JAG1: variants seen among roughly 807,000 people sequenced by gnomAD.
The protein encoded by JAG1 is protein jagged-1.
JAG1 carries 23 observed loss-of-function variants against 148.7 expected under a neutral mutation model. That is an observed-to-expected ratio of 0.15 (90% CI 0.11 to 0.22). The LOEUF (loss-of-function observed/expected upper bound fraction) is 0.22, where lower values mean the gene tolerates loss of function less well. Among genes scored for constraint, JAG1 ranks in the 10% least tolerant of loss-of-function variants. The pLI, the probability that JAG1 is intolerant of heterozygous loss-of-function variation, is 1.00. For synonymous variants in JAG1, 572 were observed against 598.3 expected, an observed-to-expected ratio of 0.96 and a Z score of 0.64; for missense variants, 1,054 against 1,611.2, an observed-to-expected ratio of 0.65 and a Z score of 5.92.
intron 2 of JAG1, among the ~76,000 whole-genome samples, chr20:10,669,357 C>T (rs1806479603): frequency 6.6e-6 from 1 of 151,668 alleles, no homozygotes; most frequent in South Asian, 2.1e-4. Context: ...CATCCTTAAG[C>T]CCTCCATGTG....
chr20:10,646,892 G>A (rs1214889352), intron 14 of JAG1, 47 bp downstream of exon 14: 1 of 1,589,542 alleles, frequency 6.3e-7, no homozygotes, highest in Admixed American at 1.7e-5. Context: ...GCAGGGGCAG[G>A]GGCAGGCTGG....
Position 10,638,619 on chromosome 20 carries a change from G to A in JAG1, c.*879C>T, listed in dbSNP as rs1490029874. 1 of 149,890 alleles carries A rather than the reference G, an allele frequency of 6.7e-6. No homozygotes were observed. The highest frequency in any genetic ancestry group is 6.9e-5 in the Admixed American group (1 of 14,494). The allele number at this position is 149,890 out of a possible 1,614,324, so 9.3% of individuals were successfully genotyped here. On this transcript the variant is annotated 3_prime_UTR_variant, in exon 26 of 26. Coordinates refer to ENST00000254958, the MANE Select transcript of JAG1 (RefSeq NM_000214.3). ...TGTTTTAAGTGATGCTATAGAAGGT[G>A]TTTTAAACATCTGACGTCGTACAAA...
chr20:10,654,846 G>A (rs1456627297), intron 5 of JAG1, among the ~76,000 whole-genome samples: 1 of 152,204 alleles, frequency 6.6e-6, no homozygotes, highest in Non-Finnish European at 1.5e-5. Context: ...GCCCTCCCCT[G>A]TATAGCTGTA....
chr20:10,639,844 T>C lies in JAG1; in HGVS notation c.3311A>G (p.His1104Arg). Residue 1104 changes from histidine to arginine, a missense_variant, in exon 26 of 26, where the codon CAC (histidine) becomes CGC (arginine). Transcript: ENST00000254958. ...RKRRKPGSHT[H>R]SASEDNTTNN... ...GGTGGTGTTGTCCTCAGAGGCTGAG[T>C]GTGTGTGGCTGCCCGGCTTCCGCCG... The C allele has an allele frequency of 6.2e-7, 1 of 1,614,128 alleles. No homozygotes were observed. The highest frequency in any genetic ancestry group is 8.5e-7 in the Non-Finnish European group (1 of 1,179,988).
chr20:10,654,365 A>T (rs2067365422), intron 5 of JAG1, among the ~76,000 whole-genome samples: 1 of 152,208 alleles, frequency 6.6e-6, no homozygotes, highest in Non-Finnish European at 1.5e-5. Flanking sequence ...CAGTTTAATA[A>T]TATATGATTA....
chr20:10,650,623 C>G, intron 8 of JAG1: 1 of 485,666 alleles, frequency 2.1e-6, no homozygotes, highest in Admixed American at 3.3e-5. Flanking sequence ...GGAGCATCCG[C>G]CCAGGAGGAA....
Sources: allele counts gnomAD v4.1 joint callset (sites outside exome capture counted in the v4.1 genomes callset), GRCh38; gene constraint gnomAD v4.1.1; transcripts MANE v1.5; gene names NCBI Gene and HGNC (gene_info 2026-07-23, HGNC 2026-07-21).